AGBL4: variants seen among roughly 807,000 people sequenced by gnomAD.
AGBL4 encodes AGBL carboxypeptidase 4.
In AGBL4, 58 loss-of-function variants were observed where a neutral mutation model predicts 66.4. That is an observed-to-expected ratio of 0.87 (90% confidence interval 0.71 to 1.09). The LOEUF is 1.09. AGBL4 is among the 50% of genes least tolerant of loss of function. The pLI, the probability that AGBL4 is intolerant of heterozygous loss-of-function variation, is 0.00. For synonymous variants in AGBL4, 234 were observed against 222.9 expected, an observed-to-expected ratio of 1.05 and a Z score of -0.44; for missense variants, 579 against 631.0, an observed-to-expected ratio of 0.92 and a Z score of 0.88.
chr1:49,985,764 G>T (rs1659452326), intron 1 of AGBL4, among the ~76,000 whole-genome samples: 1 of 151,990 alleles, frequency 6.6e-6, no homozygotes, highest in African/African-American at 2.4e-5. Flanking sequence ...ATACTTCTTT[G>T]ATTCATTTAA....
At chr1:49,530,370 C>T (rs1651040625) in intron 3 of AGBL4, among the ~76,000 whole-genome samples, 1 of 150,864 alleles carries the variant, frequency 6.6e-6, no homozygotes, top group African/African-American at 2.4e-5. Flanking sequence ...ATACATGTGC[C>T]ATGTTGGTGT....
At chr1:49,906,872 G>A (rs1373221031) in intron 1 of AGBL4, among the ~76,000 whole-genome samples, 1 of 152,026 alleles carries the variant, frequency 6.6e-6, no homozygotes, top group Non-Finnish European at 1.5e-5. Context: ...ATTTCACTCT[G>A]TATGAAATTC....
chr1:48,771,120 T>C (rs2148692784), intron 6 of AGBL4, among the ~76,000 whole-genome samples: 1 of 152,354 alleles, frequency 6.6e-6, no homozygotes, highest in South Asian at 2.1e-4. Context: ...TCTTCCTGCA[T>C]TTCCCTGGAG....
chr1:48,581,474 T>C (rs17104533), intron 11 of AGBL4, among the ~76,000 whole-genome samples: 27,461 of 152,204 alleles, frequency 0.18, 3,013 homozygotes, highest in African/African-American at 0.3. Context: ...GAGCTATTTC[T>C]TCTTGGCTTG....
intron 1 of AGBL4, among the ~76,000 whole-genome samples, chr1:49,957,497 T>C (rs1201039849): frequency 6.6e-6 from 1 of 151,808 alleles, no homozygotes; most frequent in Non-Finnish European, 1.5e-5. Context: ...GGAGTCTAAG[T>C]CTCTTTGTAG....
chr1:49,882,817 A>C (rs896470666), intron 1 of AGBL4, among the ~76,000 whole-genome samples: 1 of 152,128 alleles, frequency 6.6e-6, no homozygotes, highest in Admixed American at 6.6e-5. Flanking sequence ...TTTGCATTTT[A>C]GAAATTTGTT....
chr1:48,608,497 G>C (rs1645185667), intron 9 of AGBL4, among the ~76,000 whole-genome samples: 1 of 152,150 alleles, frequency 6.6e-6, no homozygotes, highest in Non-Finnish European at 1.5e-5. Context: ...CTCTATGTCA[G>C]TAACTGCCTG....
At chr1:48,746,481 T>A (rs78833187) in intron 6 of AGBL4, among the ~76,000 whole-genome samples, 16,240 of 152,276 alleles carry the variant, frequency 0.11, 1,060 homozygotes, top group Admixed American at 0.16. Flanking sequence ...ACTGATAGAC[T>A]TCTGTCAAAT....
intron 4 of AGBL4, among the ~76,000 whole-genome samples, chr1:49,139,978 C>A (rs1394585882): frequency 6.6e-6 from 1 of 151,986 alleles, no homozygotes; most frequent in East Asian, 1.9e-4. Context: ...ACTACCAGGT[C>A]CACAAAAAGG....
intron 3 of AGBL4, among the ~76,000 whole-genome samples, chr1:49,261,021 T>C (rs1400157185): frequency 6.6e-6 from 1 of 151,924 alleles, no homozygotes; most frequent in Non-Finnish European, 1.5e-5. Flanking sequence ...AATCAATAAA[T>C]GTAATCCAGC....
chr1:49,512,732 T>G (rs1649390242), intron 3 of AGBL4, among the ~76,000 whole-genome samples: 1 of 151,896 alleles, frequency 6.6e-6, no homozygotes, highest in Non-Finnish European at 1.5e-5. Flanking sequence ...CATGCATTTC[T>G]TTATAGCAAT....
At chr1:49,303,451 TTTTA>T (rs141772658) in intron 3 of AGBL4, among the ~76,000 whole-genome samples, 1 of 147,240 alleles carries the variant, frequency 6.8e-6, no homozygotes, top group African/African-American at 2.6e-5. Flanking sequence ...CATAAATGTC[TTTTA>T]TTTATTTATT....
chr1:49,562,669 T>A (rs1441339012), intron 3 of AGBL4, among the ~76,000 whole-genome samples: 2 of 152,112 alleles, frequency 1.3e-5, no homozygotes, highest in African/African-American at 4.8e-5. Context: ...TTGGTCTATA[T>A]CTCTGTTTTG....
At chr1:48,746,950 G>C (rs1650865572) in intron 6 of AGBL4, among the ~76,000 whole-genome samples, 1 of 152,214 alleles carries the variant, frequency 6.6e-6, no homozygotes, top group African/African-American at 2.4e-5. Context: ...GTTTTCTTCA[G>C]GGAGAGCAGG....
intron 5 of AGBL4, among the ~76,000 whole-genome samples, chr1:49,012,797 C>T (rs1662541111): frequency 6.6e-6 from 1 of 152,202 alleles, no homozygotes; most frequent in Non-Finnish European, 1.5e-5. Context: ...GAATGTTTGT[C>T]CCCTCTAAAA....
chr1:48,542,342 T>C (rs1309778530), intron 11 of AGBL4, among the ~76,000 whole-genome samples: 1 of 152,224 alleles, frequency 6.6e-6, no homozygotes, highest in Admixed American at 6.5e-5. Context: ...TTTATAATCC[T>C]TTGGGTATAA....
chr1:48,772,388 A>G (rs1172682696), intron 6 of AGBL4, among the ~76,000 whole-genome samples: 2 of 152,130 alleles, frequency 1.3e-5, no homozygotes, highest in Non-Finnish European at 2.9e-5. Flanking sequence ...CTTCTGTCAC[A>G]TGTCTACCTT....
intron 3 of AGBL4, among the ~76,000 whole-genome samples, chr1:49,577,052 T>C (rs564052414): frequency 1.4e-4 from 21 of 152,212 alleles, no homozygotes; most frequent in Non-Finnish European, 2.9e-4. Flanking sequence ...GCCAATTGTT[T>C]GGAAGCATGA....
chr1:48,634,373 T>C, intron 9 of AGBL4, 120 bp downstream of exon 9: 1 of 741,746 alleles, frequency 1.3e-6, no homozygotes, highest in Non-Finnish European at 2.2e-6. Context: ...GCCTAGTGCC[T>C]CCCTGGTTTT....
Sources: allele counts gnomAD v4.1 joint callset (sites outside exome capture counted in the v4.1 genomes callset), GRCh38; gene constraint gnomAD v4.1.1; transcripts MANE v1.5; gene names NCBI Gene and HGNC (gene_info 2026-07-23, HGNC 2026-07-21).